FRMPD4: variants seen among roughly 807,000 people sequenced by gnomAD.
The protein encoded by FRMPD4 is FERM and PDZ domain-containing protein 4.
FRMPD4 carries 22 observed loss-of-function variants against 94.1 expected under a neutral mutation model. That is an observed-to-expected ratio of 0.23 (90% confidence interval 0.17 to 0.33). The LOEUF is 0.33. Among genes scored for constraint, FRMPD4 ranks in the 10% least tolerant of loss-of-function variants. FRMPD4 has a pLI of 1.00. For synonymous variants in FRMPD4, 631 were observed against 548.6 expected (o/e 1.15, Z -2.10); for missense variants, 1,111 against 1,339.9 (o/e 0.83, Z 2.67).
intron 3 of FRMPD4, among the ~76,000 whole-genome samples, chrX:11,894,533 G>A (rs2053891906): frequency 8.9e-6 from 1 of 112,426 alleles, no homozygotes; most frequent in East Asian, 2.8e-4. Context: ...ACATTGGAAT[G>A]TCTTGGGGAA....
intron 3 of FRMPD4, among the ~76,000 whole-genome samples, chrX:11,920,492 T>C (rs1000003833): frequency 8.9e-6 from 1 of 112,026 alleles, no homozygotes; most frequent in African/African-American, 3.2e-5. Flanking sequence ...ATAATGATTT[T>C]TGGAACAAAG....
chrX:11,836,375 T>C lies in FRMPD4; in HGVS notation c.-161+13660T>C, dbSNP rs188532338. 3.1e-4 allele frequency among the ~76,000 whole-genome samples: 35 copies of C among 111,674 alleles called. 1 individual carries two copies. The highest frequency in any genetic ancestry group is 1.1e-3 in the African/African-American group (34 of 30,800). ...TTGTGAAAATTATTATTATTTCCCA[T>C]TGGAAAGAGACTTATTTTAAAATTA... On this transcript the variant is annotated intron_variant, in intron 1 of 18. Coordinates refer to the FRMPD4 transcript ENST00000640291.
intron 2 of FRMPD4, among the ~76,000 whole-genome samples, chrX:12,606,239 C>T (rs769249856): frequency 4.5e-5 from 5 of 112,183 alleles, no homozygotes; most frequent in Non-Finnish European, 9.4e-5. Flanking sequence ...AGTATGTTAA[C>T]GTACATTTAC....
intron 3 of FRMPD4, among the ~76,000 whole-genome samples, chrX:11,975,423 AAG>A (rs1381670325): frequency 8.9e-6 from 1 of 112,282 alleles, no homozygotes; most frequent in African/African-American, 3.2e-5. Flanking sequence ...ATTGTTCAAA[AAG>A]TTTAAAACAT....
intron 3 of FRMPD4, among the ~76,000 whole-genome samples, chrX:11,977,551 C>T (rs1452447599): frequency 8.9e-6 from 1 of 112,430 alleles, no homozygotes; most frequent in East Asian, 2.8e-4. Context: ...TGTGAGTGAC[C>T]ATGGCCTGTG....
rs1268787282 is a variant in FRMPD4 at position 12,720,023 on chromosome X, AGGAAAGGAAAGGAAAGGAAAGGAAAG to A, written c.3965-509_3965-484del. On this transcript the variant is annotated intron_variant, in intron 16 of 16. Transcript: ENST00000675598. ...AGGAAAGGAAAGGAAAGGAAAGGAA[AGGAAAGGAAAGGAAAGGAAAGGAAAG>A]GAAAGAAAGAAAGAAAGAAAGAAAG... 7.9e-3 allele frequency among the ~76,000 whole-genome samples: 489 copies of A among 62,122 alleles called. 11 individuals carry two copies. The highest frequency in any genetic ancestry group is 0.021 in the Middle Eastern group (3 of 142). The allele number at this position is 62,122 out of a possible 115,157, so 53.9% of individuals were successfully genotyped here.
chrX:12,107,252 G>C (rs1255286156), intron 3 of FRMPD4, among the ~76,000 whole-genome samples: 1 of 112,123 alleles, frequency 8.9e-6, no homozygotes, highest in Non-Finnish European at 1.9e-5. Flanking sequence ...AATATTCACT[G>C]TTCTGCAGCC....
intron 2 of FRMPD4, among the ~76,000 whole-genome samples, chrX:12,504,295 A>AT (rs909594357): frequency 2.7e-5 from 3 of 112,624 alleles, no homozygotes; most frequent in Non-Finnish European, 3.8e-5. Context: ...AGTTTGCCTC[A>AT]TTTTTTGTGG....
intron 1 of FRMPD4, among the ~76,000 whole-genome samples, chrX:12,231,054 T>A (rs1330677588): frequency 3.0e-5 from 2 of 66,931 alleles, no homozygotes; most frequent in African/African-American, 1.2e-4. Flanking sequence ...ATATAAAATA[T>A]ATATATATAT....
At chrX:12,046,348 C>T (rs967574862) in intron 3 of FRMPD4, among the ~76,000 whole-genome samples, 1 of 111,092 alleles carries the variant, frequency 9.0e-6, no homozygotes, top group Non-Finnish European at 1.9e-5. Context: ...AGGTCATCAA[C>T]ACAGAAGACT....
chrX:12,479,387 T>TATATATACATATATACAC (rs2057646228), intron 1 of FRMPD4, among the ~76,000 whole-genome samples: 2 of 103,142 alleles, frequency 1.9e-5, no homozygotes, highest in Non-Finnish European at 3.9e-5. Flanking sequence ...TATACACATA[T>TATATATACATATATACAC]ATATATACAT....
At chrX:12,326,979 C>T (rs1360476986) in intron 1 of FRMPD4, among the ~76,000 whole-genome samples, 1 of 110,606 alleles carries the variant, frequency 9.0e-6, no homozygotes, top group Non-Finnish European at 1.9e-5. Context: ...AATTAATTTC[C>T]ATCTGAGTCA....
chrX:12,322,303 C>T (rs1245104311), intron 1 of FRMPD4, among the ~76,000 whole-genome samples: 2 of 111,265 alleles, frequency 1.8e-5, no homozygotes, highest in African/African-American at 6.5e-5. Context: ...AGAGAACATG[C>T]AGAAACATCT....
At chrX:12,613,012 G>A (rs1255490574) in intron 3 of FRMPD4, among the ~76,000 whole-genome samples, 1 of 111,764 alleles carries the variant, frequency 8.9e-6, no homozygotes, top group Admixed American at 9.4e-5. Context: ...GAGAACAACT[G>A]AATTACTTTC....
At chrX:12,413,856 C>A (rs1344773959) in intron 1 of FRMPD4, among the ~76,000 whole-genome samples, 1 of 112,166 alleles carries the variant, frequency 8.9e-6, no homozygotes, top group Non-Finnish European at 1.9e-5. Flanking sequence ...TGGGGATGTT[C>A]AGCCCTTCCA....
At chrX:12,039,922 T>C (rs992406667) in intron 3 of FRMPD4, among the ~76,000 whole-genome samples, 1 of 94,729 alleles carries the variant, frequency 1.1e-5, no homozygotes, top group Non-Finnish European at 2.0e-5. Flanking sequence ...TGAGCTGATA[T>C]CACACCATTG....
At chrX:12,606,382 T>A (rs2059132682) in intron 2 of FRMPD4, among the ~76,000 whole-genome samples, 1 of 111,858 alleles carries the variant, frequency 8.9e-6, no homozygotes, top group Non-Finnish European at 1.9e-5. Flanking sequence ...GGGAATCACC[T>A]GCAGAGTTTT....
chrX:12,434,329 T>A (rs2057040674), intron 1 of FRMPD4, among the ~76,000 whole-genome samples: 2 of 111,639 alleles, frequency 1.8e-5, no homozygotes, highest in South Asian at 7.6e-4. Context: ...GTTTAATTCA[T>A]GGGTTAAGCC....
intron 3 of FRMPD4, among the ~76,000 whole-genome samples, chrX:11,975,793 C>A (rs1601865665): frequency 9.0e-6 from 1 of 111,465 alleles, no homozygotes; most frequent in African/African-American, 3.3e-5. Context: ...GGGCATAGAG[C>A]CTCAAAGAAA....
Sources: gnomAD v4.1 joint callset for allele counts (sites outside exome capture counted in the v4.1 genomes callset) on GRCh38, gnomAD v4.1.1 for gene constraint, MANE v1.5 for transcripts, NCBI Gene and HGNC (gene_info 2026-07-23, HGNC 2026-07-21) for gene names.